DOCK11: variants seen among roughly 807,000 people sequenced by gnomAD.
DOCK11 encodes the protein dedicator of cytokinesis 11.
A neutral mutation model predicts 169.1 loss-of-function variants in DOCK11; 70 were observed. That is an observed-to-expected ratio of 0.41 (90% CI 0.34 to 0.51). DOCK11 has a LOEUF of 0.51. Among genes scored for constraint, DOCK11 ranks in the 20% least tolerant of loss-of-function variants. The pLI, the probability that DOCK11 is intolerant of heterozygous loss-of-function variation, is 0.10. For missense variants in DOCK11, 1,166 were observed against 1,538.8 expected (o/e 0.76, Z 4.05); for synonymous variants, 529 against 541.3 (o/e 0.98, Z 0.32).
At chrX:118,625,354 A>T (rs781449420) in intron 32 of DOCK11, among the ~76,000 whole-genome samples, 1 of 110,220 alleles carries the variant, frequency 9.1e-6, no homozygotes, top group Non-Finnish European at 1.9e-5. Flanking sequence ...ACGGTGTTTC[A>T]CCATGTTAGC....
At chrX:118,537,735 T>C (rs779480313) in intron 1 of DOCK11, among the ~76,000 whole-genome samples, 31 of 111,961 alleles carry the variant, frequency 2.8e-4, no homozygotes, top group Non-Finnish European at 5.3e-4. Flanking sequence ...CACCACAAAA[T>C]TGTAAAGTCT....
intron 48 of DOCK11, among the ~76,000 whole-genome samples, chrX:118,677,237 G>T (rs754612405): frequency 8.9e-6 from 1 of 112,457 alleles, no homozygotes; most frequent in Non-Finnish European, 1.9e-5. Flanking sequence ...AATAGTGACT[G>T]TAGTTAACAT....
intron 6 of DOCK11, among the ~76,000 whole-genome samples, chrX:118,560,357 T>C (rs1041033057): frequency 9.0e-6 from 1 of 111,590 alleles, no homozygotes; most frequent in African/African-American, 3.3e-5. Flanking sequence ...AGGGATCATA[T>C]TGGATAATCA....
intron 44 of DOCK11, among the ~76,000 whole-genome samples, chrX:118,660,001 C>A (rs2016172111): frequency 8.9e-6 from 1 of 111,875 alleles, no homozygotes; most frequent in Admixed American, 9.5e-5. Flanking sequence ...CAGGGATTCA[C>A]TATCTTCTTC....
At position 118,672,501 on chromosome X, in the gene DOCK11, C is replaced by G. The variant is rs750022819; in HGVS notation, c.5199+1356C>G. Among the ~76,000 whole-genome samples the G allele has an allele frequency of 1.9e-3, 216 of 112,884 alleles. 1 individual carries two copies. Among genetic ancestry groups the G allele is most frequent in the Non-Finnish European group, 3.3e-3 (175 of 53,258 alleles). On this transcript the variant is annotated intron_variant, in intron 46 of 52. Coordinates refer to ENST00000276202, the MANE Select transcript of DOCK11 (RefSeq NM_144658.4). ...AGGCCGGACTGCAGTGGCGCTATCT[C>G]GGCTCACTGCAAGCTCCACCTCCCG... is the stretch of plus-strand genomic sequence containing the variant.
chrX:118,591,082 G>T (rs760282763), intron 19 of DOCK11, among the ~76,000 whole-genome samples: 1 of 112,119 alleles, frequency 8.9e-6, no homozygotes, highest in South Asian at 3.7e-4. Context: ...CAGCCCAGAC[G>T]TTCTGCTGTC....
intron 8 of DOCK11, 116 bp from the exon 9 acceptor site, chrX:118,566,458 T>C (rs1008853284): frequency 8.4e-6 from 6 of 711,160 alleles, no homozygotes; most frequent in African/African-American, 6.6e-5. Flanking sequence ...TAATAGAAAT[T>C]CTTTGCAATA....
At chrX:118,528,070 A>C (rs2011417674) in intron 1 of DOCK11, among the ~76,000 whole-genome samples, 1 of 112,864 alleles carries the variant, frequency 8.9e-6, no homozygotes, top group African/African-American at 3.2e-5. Flanking sequence ...CGGACTATGC[A>C]AATTGATTGG....
In DOCK11 at chrX:118,678,365, G is replaced by A. The variant is rs770830932; in HGVS notation, c.5460+1628G>A. The stretch of plus-strand genomic sequence containing the variant: ...ATGTCCATATGGTTAAAGAAATGGC[G>A]GTATTACCCATATAATGGATATAAC... On this transcript the variant is annotated intron_variant, in intron 48 of 52. Coordinates refer to ENST00000276202, the MANE Select transcript of DOCK11 (RefSeq NM_144658.4). Among the ~76,000 whole-genome samples the A allele has an allele frequency of 4.5e-5, 5 of 111,522 alleles. No homozygotes were observed. The Admixed American group carries it at 4.7e-4, about 11-fold the overall frequency.
At chrX:118,587,433 C>A (rs183676470) in intron 16 of DOCK11, among the ~76,000 whole-genome samples, 15 of 111,697 alleles carry the variant, frequency 1.3e-4, no homozygotes, top group Admixed American at 1.9e-4. Flanking sequence ...ATCAGAAAAG[C>A]AAATCCAACA....
At chrX:118,624,712 A>C in intron 32 of DOCK11, 57 bp downstream of exon 32, 1 of 773,878 alleles carries the variant, frequency 1.3e-6, no homozygotes, top group South Asian at 2.4e-5. Context: ...ATGCATTTGG[A>C]ATTGGGGTCA....
intron 30 of DOCK11, 103 bp from the exon 31 acceptor site, chrX:118,618,447 C>A (rs1376981805): frequency 3.3e-6 from 2 of 600,844 alleles, no homozygotes; most frequent in East Asian, 4.1e-5. Context: ...AAAATTATAG[C>A]TCTTGCTAGC....
At chrX:118,636,850 C>T (rs1242311083) in intron 36 of DOCK11, among the ~76,000 whole-genome samples, 1 of 111,984 alleles carries the variant, frequency 8.9e-6, no homozygotes, top group Non-Finnish European at 1.9e-5. Context: ...CACACACACA[C>T]ACACACACAC....
chrX:118,535,549 A>G (rs2011724850), intron 1 of DOCK11, among the ~76,000 whole-genome samples: 1 of 111,538 alleles, frequency 9.0e-6, no homozygotes, highest in African/African-American at 3.3e-5. Flanking sequence ...AATGTTATAT[A>G]TGAGTAAATG....
chrX:118,555,261 A>G (rs1281564440), intron 6 of DOCK11, among the ~76,000 whole-genome samples: 1 of 111,564 alleles, frequency 9.0e-6, no homozygotes, highest in Non-Finnish European at 1.9e-5. Flanking sequence ...AGTGTCATAT[A>G]TTAAAACTTG....
Position 118,680,549 on chromosome X carries a change from A to G in DOCK11, c.5528A>G (p.Asp1843Gly), listed in dbSNP as rs745716989. The stretch of plus-strand genomic sequence containing the variant: ...GTTACTTATGTGAAGCCTTACTTTG[A>G]TGACAAAGAACTCACAGAAAGGAAG... The part of the protein sequence containing the change: ...IQVTYVKPYF[D>G]DKELTERKTE... The change falls in exon 49 of 53, where the codon GAT (aspartate) becomes GGT (glycine). Residue 1843 changes from aspartate (D) to glycine (G), a missense_variant. By Grantham distance (94) the Asp-to-Gly change is moderately conservative. Coordinates refer to ENST00000276202, the MANE Select transcript of DOCK11 (RefSeq NM_144658.4). 1.7e-5 allele frequency: 21 copies of G among 1,209,225 alleles called. No homozygotes were observed. The highest frequency in any genetic ancestry group is 2.3e-4 in the Middle Eastern group (1 of 4,349).
At chrX:118,561,151 G>A (rs960000695) in intron 6 of DOCK11, among the ~76,000 whole-genome samples, 1 of 111,967 alleles carries the variant, frequency 8.9e-6, no homozygotes, top group Non-Finnish European at 1.9e-5. Context: ...AAAGTGTTAA[G>A]TCTTAATTAT....
Position 118,545,394 on chromosome X carries a change from T to C in DOCK11, c.462+2T>C. On this transcript the variant is annotated splice_donor_variant, in intron 5 of 52. Coordinates refer to ENST00000276202, the MANE Select transcript of DOCK11 (RefSeq NM_144658.4). LOFTEE classifies it high-confidence loss of function. ...GATGAAGACTGTGAGAAAGATGAGG[T>C]AAGAATGGGGGCAACAGTTGGGGTA... 1 of 1,181,091 alleles carries C rather than the reference T, an allele frequency of 8.5e-7. No individual in the cohort carries two copies. Among genetic ancestry groups the C allele is most frequent in the Non-Finnish European group, 1.1e-6 (1 of 876,399 alleles).
In DOCK11 at chrX:118,530,774, AT is replaced by A. The variant is rs1318838684; in HGVS notation, c.103-11948del. ...TTACTCCATTGCATCATAGCTCTTGATTTAGGGATCTCTCTCTCCCTCTAGC... is the reference window on the plus strand; with the variant it reads ...TTACTCCATTGCATCATAGCTCTTGATTAGGGATCTCTCTCTCCCTCTAGC... On this transcript the variant is annotated intron_variant, in intron 1 of 52. Transcript: ENST00000276202. Among the ~76,000 whole-genome samples the A allele has an allele frequency of 2.7e-5, 3 of 111,495 alleles. No homozygotes were observed. In the Admixed American group the frequency reaches 2.8e-4, roughly 11 times the overall value.
Sources: allele counts gnomAD v4.1 joint callset (sites outside exome capture counted in the v4.1 genomes callset), GRCh38; gene constraint gnomAD v4.1.1; transcripts MANE v1.5; gene names NCBI Gene and HGNC (gene_info 2026-07-23, HGNC 2026-07-21).